FDX1: variants seen among roughly 807,000 people sequenced by gnomAD.
FDX1 encodes adrenodoxin, mitochondrial.
In FDX1, 9 loss-of-function variants were observed where a neutral mutation model predicts 14.9. That is an observed-to-expected ratio of 0.60 (90% CI 0.36 to 1.05). FDX1 has a LOEUF of 1.05. Ranked by LOEUF, FDX1 falls within the 50% of genes least tolerant of loss-of-function variation. The pLI is 0.01. For synonymous variants in FDX1, 92 were observed against 99.4 expected, an observed-to-expected ratio of 0.93 and a Z score of 0.44; for missense variants, 204 against 237.2, an observed-to-expected ratio of 0.86 and a Z score of 0.92.
chr11:110,449,368 T>C (rs1195213017), intron 2 of FDX1, among the ~76,000 whole-genome samples: 1 of 152,238 alleles, frequency 6.6e-6, no homozygotes, highest in Non-Finnish European at 1.5e-5. Flanking sequence ...CAGGTTATTA[T>C]CTGTGCTAAG....
intron 2 of FDX1, among the ~76,000 whole-genome samples, chr11:110,445,227 T>TA (rs1946442656): frequency 6.6e-6 from 1 of 152,208 alleles, no homozygotes; most frequent in Non-Finnish European, 1.5e-5. Context: ...TTACATGAAG[T>TA]TACATATTCT....
At chr11:110,460,761 A>G (rs1211855718) in intron 3 of FDX1, among the ~76,000 whole-genome samples, 1 of 152,230 alleles carries the variant, frequency 6.6e-6, no homozygotes, top group Non-Finnish European at 1.5e-5. Context: ...AGATTAGGTT[A>G]GGAAACTACC....
intron 2 of FDX1, among the ~76,000 whole-genome samples, chr11:110,450,346 G>A (rs961917733): frequency 6.6e-6 from 1 of 151,696 alleles, no homozygotes; most frequent in African/African-American, 2.4e-5. Context: ...TCATAAGGAG[G>A]GTGCACCCTA....
At chr11:110,431,326 C>G (rs537679425) in intron 1 of FDX1, among the ~76,000 whole-genome samples, 37 of 152,172 alleles carry the variant, frequency 2.4e-4, no homozygotes, top group Non-Finnish European at 5.1e-4. Context: ...TAATGCAGAT[C>G]TCTCGACAGC....
chr11:110,436,544 T>C (rs911867296), intron 2 of FDX1, among the ~76,000 whole-genome samples: 7 of 151,990 alleles, frequency 4.6e-5, no homozygotes, highest in Admixed American at 3.3e-4. Flanking sequence ...TAGTGTCACC[T>C]GGGAAATGCA....
At chr11:110,430,566 G>T (rs1258924447) in intron 1 of FDX1, among the ~76,000 whole-genome samples, 2 of 152,226 alleles carry the variant, frequency 1.3e-5, no homozygotes, top group African/African-American at 4.8e-5. Context: ...GACCCTGGAC[G>T]CCCAGCTCCC....
intron 1 of FDX1, among the ~76,000 whole-genome samples, chr11:110,435,561 C>T (rs1158915060): frequency 6.6e-6 from 1 of 152,106 alleles, no homozygotes; most frequent in Non-Finnish European, 1.5e-5. Flanking sequence ...AAAGAAAATA[C>T]CTTCGGCTAG....
At chr11:110,430,438 G>T in intron 1 of FDX1, 133 bp downstream of exon 1, 1 of 527,594 alleles carries the variant, frequency 1.9e-6, no homozygotes, top group East Asian at 4.9e-5. Context: ...CCTGCCTCTC[G>T]CCCCCCTCTT....
intron 1 of FDX1, among the ~76,000 whole-genome samples, chr11:110,434,852 G>A (rs1946358583): frequency 1.3e-5 from 2 of 149,876 alleles, no homozygotes. Flanking sequence ...TCAGCCCCAT[G>A]AGTAGCTGGT....
chr11:110,439,332 C>T lies in FDX1; in HGVS notation c.310+3374C>T, dbSNP rs755632559. ...AAGCAATTCTCCTACCTCAGCTTCC[C>T]GAGTACCTGGGATTACAGGTGCATG... On this transcript the variant is annotated intron_variant, in intron 2 of 3. Transcript: ENST00000260270. 6.6e-5 allele frequency among the ~76,000 whole-genome samples: 10 copies of T among 151,912 alleles called. No homozygotes were observed. In the East Asian group the frequency reaches 7.7e-4, roughly 12 times the overall value.
chr11:110,430,737 G>GT (rs1039945127), intron 1 of FDX1, among the ~76,000 whole-genome samples: 2 of 152,148 alleles, frequency 1.3e-5, no homozygotes, highest in African/African-American at 2.4e-5. Flanking sequence ...CCTGCCAGCT[G>GT]TTTTTTTCAG....
In FDX1 at chr11:110,444,706, G is replaced by GTATATATATATATATACGTA. The variant is rs1491307904; in HGVS notation, c.310+8765_310+8784dup. ...TATACACGTATATATATATATATAC[G>GTATATATATATATATACGTA]TATATATATATATATACGTATATAT... On this transcript the variant is annotated intron_variant, in intron 2 of 3. Transcript: ENST00000260270. 1.0e-3 allele frequency among the ~76,000 whole-genome samples: 32 copies of GTATATATATATATATACGTA among 30,840 alleles called. No homozygotes were observed. The East Asian group carries it at 0.016, about 15-fold the overall frequency. 20.2% of individuals were successfully genotyped at this position (30,840 alleles called of 152,430 possible). A position where few individuals can be genotyped will look rare whatever the true frequency, so the allele number is the denominator to read the frequency against.
At chr11:110,442,238 A>G (rs949855989) in intron 2 of FDX1, among the ~76,000 whole-genome samples, 1 of 152,222 alleles carries the variant, frequency 6.6e-6, no homozygotes, top group Non-Finnish European at 1.5e-5. Flanking sequence ...GAGCCCCCAC[A>G]CAGAGTCCCT....
At chr11:110,434,507 A>G (rs1376739848) in intron 1 of FDX1, among the ~76,000 whole-genome samples, 1 of 151,192 alleles carries the variant, frequency 6.6e-6, no homozygotes, top group East Asian at 2.0e-4. Flanking sequence ...TAATTTTTGT[A>G]TTTTTAGTAG....
intron 3 of FDX1, among the ~76,000 whole-genome samples, chr11:110,461,612 A>C (rs908436338): frequency 2.0e-5 from 3 of 151,806 alleles, no homozygotes; most frequent in Non-Finnish European, 4.4e-5. Context: ...TTAATTCCAA[A>C]TTTACACCCT....
At chr11:110,444,710 A>G (rs1343711275) in intron 2 of FDX1, among the ~76,000 whole-genome samples, 4 of 76,354 alleles carry the variant, frequency 5.2e-5, no homozygotes, top group South Asian at 7.2e-4. Context: ...ATATACGTAT[A>G]TATATATATA....
At chr11:110,447,271 TAC>T (rs1946456689) in intron 2 of FDX1, among the ~76,000 whole-genome samples, 2 of 11,342 alleles carry the variant, frequency 1.8e-4, no homozygotes, top group Non-Finnish European at 3.3e-4. Context: ...CTACTAAAAA[TAC>T]AAAAAAAAAA....
chr11:110,445,443 A>G (rs1424476313), intron 2 of FDX1, among the ~76,000 whole-genome samples: 2 of 152,220 alleles, frequency 1.3e-5, no homozygotes, highest in East Asian at 3.8e-4. Flanking sequence ...TTACAAGGTC[A>G]TGAAATCAAT....
chr11:110,451,510 TTGTGG>T (rs377202644), intron 2 of FDX1, among the ~76,000 whole-genome samples: 8 of 152,170 alleles, frequency 5.3e-5, no homozygotes, highest in African/African-American at 1.9e-4. Context: ...AGTTCAACCA[TTGTGG>T]AAGACAGTGT....
Sources: allele counts gnomAD v4.1 joint callset (sites outside exome capture counted in the v4.1 genomes callset), GRCh38; gene constraint gnomAD v4.1.1; transcripts MANE v1.5; gene names NCBI Gene and HGNC (gene_info 2026-07-23, HGNC 2026-07-21).